The following NRG1 variants were observed in gnomAD, a reference collection of about 807,000 sequenced individuals.
The protein encoded by NRG1 is neuregulin 1, also known as pro-neuregulin-1, membrane-bound isoform.
A neutral mutation model predicts 63.8 loss-of-function variants in NRG1; 18 were observed. That is an observed-to-expected ratio of 0.28 (90% CI 0.19 to 0.42). The LOEUF (loss-of-function observed/expected upper bound fraction) is 0.42. NRG1 is among the 10% of genes least tolerant of loss of function. The pLI is 1.00. For synonymous variants in NRG1, 302 were observed against 301.3 expected (o/e 1.00, Z -0.02); for missense variants, 762 against 814.7 (o/e 0.94, Z 0.79).
chr8:31,871,124 G>A (rs1191056425), intron 1 of NRG1, among the ~76,000 whole-genome samples: 2 of 151,716 alleles, frequency 1.3e-5, no homozygotes, highest in East Asian at 1.9e-4. Flanking sequence ...TTACAGGTAC[G>A]TGCCACCATG....
At chr8:31,984,553 A>C (rs1186657483) in intron 1 of NRG1, among the ~76,000 whole-genome samples, 2 of 152,122 alleles carry the variant, frequency 1.3e-5, no homozygotes, top group Non-Finnish European at 2.9e-5. Flanking sequence ...CTGCTAGGTT[A>C]GAGGCCCCAT....
At chr8:32,471,437 T>G (rs1320953067) in intron 1 of NRG1, among the ~76,000 whole-genome samples, 1 of 152,200 alleles carries the variant, frequency 6.6e-6, no homozygotes, top group Non-Finnish European at 1.5e-5. Flanking sequence ...CGACTTTTCT[T>G]ATAAAAGGGT....
At chr8:32,038,801 C>T (rs970890101) in intron 1 of NRG1, among the ~76,000 whole-genome samples, 5 of 152,014 alleles carry the variant, frequency 3.3e-5, no homozygotes, top group African/African-American at 4.8e-5. Context: ...TGTCCTGCTA[C>T]GGTCTTTTGT....
At chr8:32,171,708 A>T (rs941169753) in intron 1 of NRG1, among the ~76,000 whole-genome samples, 6 of 152,176 alleles carry the variant, frequency 3.9e-5, no homozygotes, top group African/African-American at 1.2e-4. Context: ...TATCCCACGC[A>T]TGGCTTGGAG....
intron 1 of NRG1, among the ~76,000 whole-genome samples, chr8:31,919,071 C>A (rs546061810): frequency 6.6e-6 from 1 of 151,900 alleles, no homozygotes; most frequent in East Asian, 1.9e-4. Flanking sequence ...TTTTTTATTG[C>A]GTCTATTTGA....
exon 12 of NRG1, chr8:32,767,339 C>T (rs3735782): frequency 1.3e-5 from 2 of 151,872 alleles, no homozygotes; most frequent in Non-Finnish European, 1.5e-5. Flanking sequence ...GGTTAAAGGG[C>T]GCATGGCTCA....
At chr8:32,048,337 ATG>A (rs1362901217) in intron 1 of NRG1, among the ~76,000 whole-genome samples, 1 of 148,702 alleles carries the variant, frequency 6.7e-6, no homozygotes, top group African/African-American at 2.5e-5. Context: ...ATGTACATGT[ATG>A]TATGTATGAA....
intron 1 of NRG1, among the ~76,000 whole-genome samples, chr8:31,727,886 C>G (rs1813607690): frequency 6.6e-6 from 1 of 151,974 alleles, no homozygotes; most frequent in Non-Finnish European, 1.5e-5. Flanking sequence ...TACTTCGAGG[C>G]CATCATGAAG....
At chr8:32,526,515 C>T (rs192871205) in intron 1 of NRG1, among the ~76,000 whole-genome samples, 68 of 152,254 alleles carry the variant, frequency 4.5e-4, no homozygotes, top group Non-Finnish European at 5.6e-4. Flanking sequence ...TTATACAAGG[C>T]GTAAATACCA....
chr8:32,412,795 TG>T (rs1202997827), intron 1 of NRG1, among the ~76,000 whole-genome samples: 1 of 152,042 alleles, frequency 6.6e-6, no homozygotes, highest in African/African-American at 2.4e-5. Context: ...AGTAAAAATA[TG>T]GTATTATAAT....
At chr8:32,487,417 T>G (rs1479680959) in intron 1 of NRG1, among the ~76,000 whole-genome samples, 1 of 151,704 alleles carries the variant, frequency 6.6e-6, no homozygotes, top group Admixed American at 6.6e-5. Context: ...TTTTTGGAGG[T>G]TGGTTTTTTT....
At chr8:31,857,113 G>C (rs1398609710) in intron 1 of NRG1, among the ~76,000 whole-genome samples, 1 of 152,236 alleles carries the variant, frequency 6.6e-6, no homozygotes, top group East Asian at 1.9e-4. Flanking sequence ...GAGGCAGGCA[G>C]GCCTCCTTGA....
In NRG1 at chr8:32,065,839, T is replaced by C. The variant is rs144954389; in HGVS notation, c.37+426408T>C. The stretch of plus-strand genomic sequence containing the variant: ...TGTTCCTATTTCTCCACATCCTCTC[T>C]GGCACCTGTTGTTTACTGACTTTTT... On this transcript the variant is annotated intron_variant, in intron 1 of 10. Transcript: ENST00000519301. Among the ~76,000 whole-genome samples, 409 of 152,300 alleles carry C rather than the reference T, an allele frequency of 2.7e-3. 3 individuals carry two copies. Among genetic ancestry groups the C allele is most frequent in the African/African-American group, 9.4e-3 (389 of 41,580 alleles).
At chr8:32,622,433 C>T (rs903498293) in intron 5 of NRG1, among the ~76,000 whole-genome samples, 2 of 152,012 alleles carry the variant, frequency 1.3e-5, no homozygotes, top group Non-Finnish European at 2.9e-5. Flanking sequence ...GACAGGGTTT[C>T]TCTCTGTCAC....
At chr8:32,438,414 G>A (rs893386506) in intron 1 of NRG1, among the ~76,000 whole-genome samples, 2 of 152,140 alleles carry the variant, frequency 1.3e-5, no homozygotes, top group African/African-American at 4.8e-5. Flanking sequence ...TGCTAGGGAT[G>A]TTGAGCCATT....
At chr8:32,620,987 A>G (rs1848241068) in intron 5 of NRG1, among the ~76,000 whole-genome samples, 1 of 152,194 alleles carries the variant, frequency 6.6e-6, no homozygotes, top group South Asian at 2.1e-4. Flanking sequence ...CACTGTAACA[A>G]TAAAGAAATC....
intron 1 of NRG1, among the ~76,000 whole-genome samples, chr8:32,044,930 A>AAAAACAC (rs1554610208): frequency 7.3e-6 from 1 of 137,034 alleles, no homozygotes; most frequent in African/African-American, 2.8e-5. Context: ...AAAAAAAAAA[A>AAAAACAC]ACACACACAC....
intron 1 of NRG1, among the ~76,000 whole-genome samples, chr8:32,054,518 A>C (rs1822524458): frequency 6.6e-6 from 1 of 152,232 alleles, no homozygotes. Context: ...TGCGTATGTT[A>C]ATCATGTGTT....
chr8:32,768,452 C>T (rs896776446), downstream of NRG1, among the ~76,000 whole-genome samples: 17 of 152,152 alleles, frequency 1.1e-4, no homozygotes, highest in Admixed American at 7.9e-4. Context: ...TTATACCATC[C>T]GCTAATGACT....
Sources: allele counts gnomAD v4.1 joint callset (sites outside exome capture counted in the v4.1 genomes callset), GRCh38; gene constraint gnomAD v4.1.1; transcripts MANE v1.5; gene names NCBI Gene and HGNC (gene_info 2026-07-23, HGNC 2026-07-21).